The following MAST4 variants were observed in gnomAD, a reference collection of about 807,000 sequenced individuals.
MAST4 encodes the protein microtubule associated serine/threonine kinase family member 4.
In MAST4, 89 loss-of-function variants were observed where a neutral mutation model predicts 162.7. The ratio of observed to expected loss-of-function variants is 0.55; its 90% CI spans 0.46 to 0.65. MAST4 has a LOEUF of 0.65. Ranked by LOEUF, MAST4 falls within the 30% of genes least tolerant of loss-of-function variation. MAST4 has a pLI of 0.00. For synonymous variants in MAST4, 1,479 were observed against 1,361.1 expected (o/e 1.09, Z -1.91); for missense variants, 3,153 against 3,374.0 (o/e 0.93, Z 1.62).
At chr5:67,113,130 G>A (rs530086272) in intron 11 of MAST4, among the ~76,000 whole-genome samples, 3 of 151,990 alleles carry the variant, frequency 2.0e-5, no homozygotes, top group East Asian at 3.9e-4. Context: ...TGGCTAACTC[G>A]GTGAAACCCT....
At chr5:66,606,970 A>G (rs539736425) in intron 1 of MAST4, among the ~76,000 whole-genome samples, 1 of 151,654 alleles carries the variant, frequency 6.6e-6, no homozygotes, top group African/African-American at 2.4e-5. Context: ...TAAATTAAAT[A>G]TTAAATGAGT....
At chr5:67,097,606 G>C (rs1355567538) in intron 7 of MAST4, among the ~76,000 whole-genome samples, 1 of 151,990 alleles carries the variant, frequency 6.6e-6, no homozygotes, top group Admixed American at 6.6e-5. Context: ...ATGTGCCTAC[G>C]GAAGACACCC....
At chr5:66,851,922 A>G (rs1160606657) in intron 3 of MAST4, among the ~76,000 whole-genome samples, 4 of 152,248 alleles carry the variant, frequency 2.6e-5, no homozygotes, top group Middle Eastern at 3.4e-3. Flanking sequence ...TGATCCCCTT[A>G]TTGTATAATC....
intron 1 of MAST4, among the ~76,000 whole-genome samples, chr5:66,645,661 A>G (rs1745783701): frequency 6.6e-6 from 1 of 152,198 alleles, no homozygotes; most frequent in South Asian, 2.1e-4. Context: ...TTTCCTCCCA[A>G]CCACTTAAAT....
chr5:66,908,457 G>A (rs1218505457), intron 4 of MAST4, among the ~76,000 whole-genome samples: 3 of 152,082 alleles, frequency 2.0e-5, no homozygotes. Flanking sequence ...AGAGGCTTGA[G>A]TACTTTTAAC....
chr5:66,705,026 C>G (rs1750042262), intron 1 of MAST4, among the ~76,000 whole-genome samples: 1 of 152,174 alleles, frequency 6.6e-6, no homozygotes, highest in Non-Finnish European at 1.5e-5. Context: ...TAGGTGCCCA[C>G]CAAGCCACAG....
chr5:66,710,125 T>G (rs924622983), intron 1 of MAST4, among the ~76,000 whole-genome samples: 4 of 152,232 alleles, frequency 2.6e-5, no homozygotes, highest in Non-Finnish European at 4.4e-5. Context: ...CTACTGACAG[T>G]GCTGCAAGTT....
At chr5:66,865,108 G>T (rs978684245) in intron 3 of MAST4, among the ~76,000 whole-genome samples, 3 of 152,218 alleles carry the variant, frequency 2.0e-5, no homozygotes, top group African/African-American at 7.2e-5. Flanking sequence ...GTAGATGGTG[G>T]TGTTCTTTGC....
chr5:66,998,407 C>T (rs73103964), intron 4 of MAST4, among the ~76,000 whole-genome samples: 5,735 of 152,224 alleles, frequency 0.038, 335 homozygotes, highest in African/African-American at 0.13. Context: ...TATACTTAAA[C>T]GCAATTCGTT....
intron 1 of MAST4, among the ~76,000 whole-genome samples, chr5:66,736,053 C>A (rs1429712195): frequency 6.6e-6 from 1 of 152,142 alleles, no homozygotes; most frequent in East Asian, 1.9e-4. Context: ...TTTCCCATTT[C>A]TATCACTTGT....
In MAST4 at chr5:66,907,400, C is replaced by T. The variant is rs150968762; in HGVS notation, c.674+7418C>T. Among the ~76,000 whole-genome samples, 758 of 152,224 alleles carry T rather than the reference C, an allele frequency of 5.0e-3. 6 individuals carry two copies. Among genetic ancestry groups the T allele is most frequent in the African/African-American group, 0.017 (724 of 41,532 alleles). On this transcript the variant is annotated intron_variant, in intron 4 of 28. Transcript: ENST00000403625. ...TGGGCTTCATCCAGGATCAGCAGTTCGGTATTTCAGCCTCCAGGCTGTTTT... is the reference window on the plus strand; with the variant it reads ...TGGGCTTCATCCAGGATCAGCAGTTTGGTATTTCAGCCTCCAGGCTGTTTT...
intron 5 of MAST4, among the ~76,000 whole-genome samples, chr5:67,061,484 A>G (rs1759591439): frequency 6.8e-6 from 1 of 147,866 alleles, no homozygotes; most frequent in Non-Finnish European, 1.5e-5. Context: ...TCCTTTTTCA[A>G]TTTGCCATTT....
chr5:66,659,188 A>G (rs1029611282), intron 1 of MAST4, among the ~76,000 whole-genome samples: 5 of 152,154 alleles, frequency 3.3e-5, no homozygotes, highest in Non-Finnish European at 7.4e-5. Context: ...TCAAGCCAGG[A>G]ACAGCCTGAA....
chr5:67,115,142 C>A (rs144484470), intron 12 of MAST4: 57 of 150,880 alleles, frequency 3.8e-4, no homozygotes, highest in African/African-American at 1.4e-3. Context: ...TGTCAGTGAA[C>A]TTTTAAAAAT....
intron 3 of MAST4, among the ~76,000 whole-genome samples, chr5:66,806,148 T>C (rs1457195126): frequency 6.6e-6 from 1 of 152,174 alleles, no homozygotes; most frequent in Non-Finnish European, 1.5e-5. Context: ...CTCTGCCTCT[T>C]GTGCTGATGA....
intron 10 of MAST4, 122 bp downstream of exon 10, chr5:67,104,697 G>T: frequency 1.8e-4 from 86 of 483,394 alleles, no homozygotes; most frequent in Non-Finnish European, 2.0e-4. Flanking sequence ...AAAAAAGAAG[G>T]AAAAAAAAAA....
chr5:67,096,305 T>C (rs1223267604), intron 7 of MAST4, among the ~76,000 whole-genome samples: 1 of 152,166 alleles, frequency 6.6e-6, no homozygotes, highest in Admixed American at 6.5e-5. Context: ...TGGAAACAAC[T>C]CAGTAGGTTA....
At chr5:67,031,020 A>G (rs1755249506) in intron 4 of MAST4, among the ~76,000 whole-genome samples, 1 of 152,184 alleles carries the variant, frequency 6.6e-6, no homozygotes, top group Admixed American at 6.5e-5. Context: ...TGTCCTGTAA[A>G]AAGTAAAATT....
At chr5:67,099,412 T>A (rs968837046) in intron 7 of MAST4, among the ~76,000 whole-genome samples, 6 of 152,110 alleles carry the variant, frequency 3.9e-5, no homozygotes, top group East Asian at 1.9e-4. Context: ...GTTATAGGAA[T>A]AATTTTTAAG....
Sources: gnomAD v4.1 joint callset for allele counts (sites outside exome capture counted in the v4.1 genomes callset) on GRCh38, gnomAD v4.1.1 for gene constraint, MANE v1.5 for transcripts, NCBI Gene and HGNC (gene_info 2026-07-23, HGNC 2026-07-21) for gene names.